Variants in ANKRD17 observed in about 807,000 individuals in gnomAD.
ANKRD17 encodes ankyrin repeat domain-containing protein 17.
ANKRD17 carries 19 observed loss-of-function variants against 229.7 expected under a neutral mutation model. The observed-to-expected ratio is 0.08, with a 90% CI of 0.06 to 0.12. The LOEUF (loss-of-function observed/expected upper bound fraction) is 0.12, where lower values mean the gene tolerates loss of function less well. ANKRD17 is among the 10% of genes least tolerant of loss of function. ANKRD17 has a pLI of 1.00. For synonymous variants in ANKRD17, 1,112 were observed against 1,146.1 expected (o/e 0.97, Z 0.60); for missense variants, 2,176 against 3,176.8 (o/e 0.68, Z 7.57).
chr4:73,091,055 A>C lies in ANKRD17; in HGVS notation c.6573T>G (p.Asn2191Lys), dbSNP rs1258638132. 2.5e-6 allele frequency: 4 copies of C among 1,614,062 alleles called. No individual in the cohort carries two copies. The African/African-American group carries it at 5.3e-5, about 22-fold the overall frequency. ...PPHGTTAPHK[N>K]SASVQNSSVA... ...CAGATGAATTTTGCACTGAAGCTGA[A>C]TTCTTGTGAGGGGCAGTTGTGCCAT... Residue 2191 changes from asparagine (N) to lysine (K), a missense_variant, in exon 29 of 34, where the codon AAT (asparagine) becomes AAG (lysine). Around this residue, in one of 18 missense-constraint regions of ANKRD17, gnomAD observed 424 missense variants for 454.0 expected, o/e 0.93. Coordinates refer to ENST00000358602, the MANE Select transcript of ANKRD17 (RefSeq NM_032217.5).
chr4:73,124,075 A>G (rs189519222), intron 18 of ANKRD17, among the ~76,000 whole-genome samples: 79 of 152,174 alleles, frequency 5.2e-4, no homozygotes, highest in Admixed American at 2.1e-3. Context: ...AACAAAACTA[A>G]GAACTGTGGG....
At chr4:73,151,753 T>G (rs749903453) in intron 6 of ANKRD17, among the ~76,000 whole-genome samples, 1 of 152,172 alleles carries the variant, frequency 6.6e-6, no homozygotes, top group African/African-American at 2.4e-5. Context: ...GAGTCCCTGC[T>G]AGAGGTGAAC....
chr4:73,174,096 AGGAAG>A (rs1734406601), intron 2 of ANKRD17, among the ~76,000 whole-genome samples: 2 of 54,734 alleles, frequency 3.7e-5, no homozygotes, highest in Non-Finnish European at 8.8e-5. Flanking sequence ...GGAGGGGAGA[AGGAAG>A]GAAGGAAGGA....
intron 28 of ANKRD17, 62 bp downstream of exon 28, chr4:73,094,017 G>A (rs1234324365): frequency 4.7e-6 from 7 of 1,488,212 alleles, no homozygotes; most frequent in African/African-American, 4.2e-5. Flanking sequence ...TCATATGGCT[G>A]TATTTCATTA....
intron 2 of ANKRD17, chr4:73,169,021 A>C (rs1222445786): frequency 6.6e-6 from 1 of 152,162 alleles, no homozygotes; most frequent in African/African-American, 2.4e-5. Context: ...ATAAGTAATA[A>C]CGTGGCATTT....
intron 1 of ANKRD17, among the ~76,000 whole-genome samples, chr4:73,211,528 A>G (rs1446402374): frequency 6.6e-6 from 1 of 152,164 alleles, no homozygotes; most frequent in Non-Finnish European, 1.5e-5. Context: ...TTTGTTTAGT[A>G]GTTATTGGAG....
Position 73,218,927 on chromosome 4 carries a change from G to A in ANKRD17, c.393+39349C>T, listed in dbSNP as rs549732416. Among the ~76,000 whole-genome samples, 5 of 152,168 alleles carry A rather than the reference G, an allele frequency of 3.3e-5. No homozygotes were observed. The South Asian group carries it at 1.0e-3, about 32-fold the overall frequency. On this transcript the variant is annotated intron_variant, in intron 1 of 33. Transcript: ENST00000358602. ...AATACAAAAATTAGCTGGGTGTGGT[G>A]GCATGCACCTGTAATCCCAGCTACT...
intron 1 of ANKRD17, among the ~76,000 whole-genome samples, chr4:73,200,741 C>T (rs983554353): frequency 6.6e-6 from 1 of 151,874 alleles, no homozygotes. Context: ...TTCTTCTTTC[C>T]CATCCTTTCT....
intron 24 of ANKRD17, chr4:73,112,784 A>T (rs971866255): frequency 9.3e-6 from 7 of 753,052 alleles, no homozygotes; most frequent in Admixed American, 1.3e-4. Context: ...TGACCTTTTT[A>T]AAAAAATTTT....
At chr4:73,177,008 G>A (rs1008357033) in intron 2 of ANKRD17, among the ~76,000 whole-genome samples, 2 of 152,188 alleles carry the variant, frequency 1.3e-5, no homozygotes. Flanking sequence ...CTGGGAGCAT[G>A]CATGTAGGGT....
At chr4:73,138,512 T>TA (rs1056496227) in intron 15 of ANKRD17, among the ~76,000 whole-genome samples, 299 of 151,146 alleles carry the variant, frequency 2.0e-3, no homozygotes, top group African/African-American at 6.7e-3. Flanking sequence ...AGATGAAACT[T>TA]AAAAAAAAAT....
At chr4:73,224,159 A>G (rs1039427820) in intron 1 of ANKRD17, among the ~76,000 whole-genome samples, 12 of 152,144 alleles carry the variant, frequency 7.9e-5, no homozygotes, top group Non-Finnish European at 7.4e-5. Flanking sequence ...AGGTGGCTGC[A>G]TGAGAATCAC....
At chr4:73,257,915 G>C (rs1425408203) in intron 1 of ANKRD17, among the ~76,000 whole-genome samples, 1 of 151,894 alleles carries the variant, frequency 6.6e-6, no homozygotes, top group Admixed American at 6.6e-5. Context: ...CTTTGATCCC[G>C]ATCCCGCCTC....
At chr4:73,106,236 T>C (rs1405213982) in intron 24 of ANKRD17, among the ~76,000 whole-genome samples, 2 of 151,570 alleles carry the variant, frequency 1.3e-5, no homozygotes, top group African/African-American at 4.9e-5. Context: ...AGAGCAAGAC[T>C]CCGTCTCAAA....
intron 15 of ANKRD17, 47 bp from the exon 16 acceptor site, chr4:73,135,312 G>GTAA: frequency 6.4e-7 from 1 of 1,565,590 alleles, no homozygotes; most frequent in Non-Finnish European, 8.7e-7. Context: ...ACATTGTTAA[G>GTAA]TAATACTAAG....
At position 73,258,333 on chromosome 4, in the gene ANKRD17, G is replaced by T; in HGVS notation, c.336C>A (p.Ser112Arg). The T allele has an allele frequency of 6.2e-7, 1 of 1,613,360 alleles. No individual in the cohort carries two copies. The change falls in exon 1 of 34, where the codon AGC becomes AGA. Residue 112 changes from serine (S) to arginine (R), a missense_variant. Transcript: ENST00000358602. Reference protein sequence around the residue: ...GGGGGGGGGTSSNNSEEEEDD... With the variant: ...GGGGGGGGGTRSNNSEEEEDD... ...CCTCTTCTTCCTCGCTGTTGTTACT[G>T]CTGGTGCCGCCGCCGCCACCTCCGC...
intron 22 of ANKRD17, among the ~76,000 whole-genome samples, chr4:73,118,113 C>T (rs1374254116): frequency 6.6e-6 from 1 of 152,016 alleles, no homozygotes; most frequent in Non-Finnish European, 1.5e-5. Flanking sequence ...GCCTCTCAGG[C>T]TCAAGCCATC....
At chr4:73,177,861 TAGA>T (rs1010324628) in intron 1 of ANKRD17, among the ~76,000 whole-genome samples, 1 of 152,182 alleles carries the variant, frequency 6.6e-6, no homozygotes, top group Non-Finnish European at 1.5e-5. Flanking sequence ...TAACTGTGAA[TAGA>T]AGACCTAACT....
chr4:73,245,407 TAA>T (rs144577643), intron 1 of ANKRD17, among the ~76,000 whole-genome samples: 1 of 152,194 alleles, frequency 6.6e-6, no homozygotes, highest in African/African-American at 2.4e-5. Flanking sequence ...GGTGAGCTCT[TAA>T]AAGAGATCAG....
Sources: allele counts gnomAD v4.1 joint callset (sites outside exome capture counted in the v4.1 genomes callset), GRCh38; gene constraint gnomAD v4.1.1; regional missense constraint gnomAD v4.1.1; transcripts MANE v1.5; gene names NCBI Gene and HGNC (gene_info 2026-07-23, HGNC 2026-07-21).